Variants in PTPRD observed in about 807,000 individuals in gnomAD.
PTPRD encodes protein tyrosine phosphatase receptor type D.
PTPRD carries 34 observed loss-of-function variants against 214.5 expected under a neutral mutation model. The observed-to-expected ratio is 0.16, with a 90% confidence interval of 0.12 to 0.21. The LOEUF is 0.21. Ranked by LOEUF, PTPRD falls within the 10% of genes least tolerant of loss-of-function variation. The probability of loss-of-function intolerance (pLI) is 1.00; values close to 1 mark genes in which losing one functional copy is unlikely to be tolerated. For synonymous variants in PTPRD, 1,128 were observed against 845.7 expected (o/e 1.33, Z -5.79); for missense variants, 2,545 against 2,398.7 (o/e 1.06, Z -1.27).
intron 9 of PTPRD, among the ~76,000 whole-genome samples, chr9:9,255,756 C>T (rs566349748): frequency 6.6e-6 from 1 of 152,068 alleles, no homozygotes; most frequent in East Asian, 1.9e-4. Flanking sequence ...TCCAATTGTC[C>T]ACTATTGGCA....
intron 7 of PTPRD, among the ~76,000 whole-genome samples, chr9:9,608,732 C>T (rs57908216): frequency 0.03 from 4,540 of 152,290 alleles, 209 homozygotes; most frequent in African/African-American, 0.1. Context: ...CTGTGGCACA[C>T]AAGCTAAAGG....
At chr9:10,558,196 T>A (rs1419664153) in intron 2 of PTPRD, among the ~76,000 whole-genome samples, 4 of 152,156 alleles carry the variant, frequency 2.6e-5, no homozygotes, top group Non-Finnish European at 5.9e-5. Flanking sequence ...AAGTAGTCAC[T>A]GACATTCTAA....
chr9:10,231,045 C>A (rs577369852), intron 3 of PTPRD, among the ~76,000 whole-genome samples: 9 of 152,008 alleles, frequency 5.9e-5, no homozygotes, highest in African/African-American at 1.9e-4. Context: ...ACCTCCTGGA[C>A]TGGTCAAAAG....
chr9:9,822,341 G>A (rs1473901190), intron 5 of PTPRD, among the ~76,000 whole-genome samples: 2 of 151,160 alleles, frequency 1.3e-5, no homozygotes, highest in African/African-American at 4.9e-5. Context: ...AACCTGGGAG[G>A]CGTAAGTTGC....
intron 11 of PTPRD, among the ~76,000 whole-genome samples, chr9:8,804,047 G>C (rs992397127): frequency 6.6e-6 from 1 of 151,960 alleles, no homozygotes; most frequent in African/African-American, 2.4e-5. Context: ...CTGCCCCCTG[G>C]GTTCAAGCAA....
chr9:10,210,644 T>C (rs1452659738), intron 3 of PTPRD, among the ~76,000 whole-genome samples: 2 of 150,326 alleles, frequency 1.3e-5, no homozygotes, highest in Non-Finnish European at 3.0e-5. Context: ...TATATATACA[T>C]ATATATACAC....
chr9:10,532,985 GATC>G (rs2056815342), intron 2 of PTPRD, among the ~76,000 whole-genome samples: 3 of 152,048 alleles, frequency 2.0e-5, no homozygotes. Context: ...AAGGCATTTG[GATC>G]ATAAGAGTAG....
At chr9:8,591,417 G>C (rs1299151119) in intron 14 of PTPRD, among the ~76,000 whole-genome samples, 1 of 152,166 alleles carries the variant, frequency 6.6e-6, no homozygotes, top group Admixed American at 6.5e-5. Context: ...TCTGTTGGGA[G>C]AGTTTATTCA....
chr9:10,232,928 C>A (rs1315339557), intron 3 of PTPRD, among the ~76,000 whole-genome samples: 3 of 151,870 alleles, frequency 2.0e-5, no homozygotes, highest in African/African-American at 4.8e-5. Flanking sequence ...TTAAACATTC[C>A]ATTCTTCCTC....
intron 3 of PTPRD, among the ~76,000 whole-genome samples, chr9:10,265,113 C>A (rs1471543384): frequency 2.0e-5 from 3 of 152,094 alleles, no homozygotes; most frequent in African/African-American, 7.2e-5. Context: ...TCTTTGTCAG[C>A]AGCACGAAAA....
intron 3 of PTPRD, among the ~76,000 whole-genome samples, chr9:10,216,097 T>C (rs2099539828): frequency 6.6e-6 from 1 of 152,054 alleles, no homozygotes. Context: ...TTTTTCCTTT[T>C]ACTAACACTG....
intron 9 of PTPRD, among the ~76,000 whole-genome samples, chr9:9,260,497 G>A (rs1286787271): frequency 6.6e-6 from 1 of 151,760 alleles, no homozygotes; most frequent in African/African-American, 2.4e-5. Flanking sequence ...TCATTTTAAC[G>A]CTGCTTTTTC....
intron 14 of PTPRD, among the ~76,000 whole-genome samples, chr9:8,554,828 C>A (rs1176468829): frequency 2.0e-5 from 3 of 152,088 alleles, no homozygotes; most frequent in Non-Finnish European, 4.4e-5. Flanking sequence ...AAAACACTAA[C>A]ATATTTGTGT....
chr9:10,567,449 G>C (rs1020962986), intron 2 of PTPRD, among the ~76,000 whole-genome samples: 3 of 151,924 alleles, frequency 2.0e-5, no homozygotes, highest in Non-Finnish European at 2.9e-5. Flanking sequence ...TAATTTTATA[G>C]TATATTATCT....
intron 9 of PTPRD, among the ~76,000 whole-genome samples, chr9:9,236,524 T>C (rs2099966838): frequency 6.6e-6 from 1 of 151,758 alleles, no homozygotes; most frequent in South Asian, 2.1e-4. Context: ...TCCAGATCTT[T>C]TGCATTTCTG....
chr9:8,455,279 C>T (rs1175737962), intron 33 of PTPRD, among the ~76,000 whole-genome samples: 1 of 152,108 alleles, frequency 6.6e-6, no homozygotes, highest in Non-Finnish European at 1.5e-5. Flanking sequence ...TTGGGCTAAT[C>T]CAGAAAAACA....
intron 8 of PTPRD, among the ~76,000 whole-genome samples, chr9:9,437,936 G>A (rs1267382261): frequency 6.6e-6 from 1 of 152,180 alleles, no homozygotes; most frequent in Non-Finnish European, 1.5e-5. Context: ...TCACAGTTCT[G>A]GAGGCTACAA....
At chr9:9,631,625 C>T (rs569904973) in intron 7 of PTPRD, among the ~76,000 whole-genome samples, 16 of 152,232 alleles carry the variant, frequency 1.1e-4, no homozygotes, top group South Asian at 8.3e-4. Flanking sequence ...CCTCACCCAG[C>T]GCAGACACAA....
At chr9:10,509,481 C>G (rs985032132) in intron 2 of PTPRD, among the ~76,000 whole-genome samples, 4 of 137,788 alleles carry the variant, frequency 2.9e-5, no homozygotes, top group Non-Finnish European at 6.0e-5. Context: ...ATCTATCTAT[C>G]TATCTATCTA....
Sources: gnomAD v4.1 joint callset for allele counts (sites outside exome capture counted in the v4.1 genomes callset) on GRCh38, gnomAD v4.1.1 for gene constraint, MANE v1.5 for transcripts, NCBI Gene and HGNC (gene_info 2026-07-23, HGNC 2026-07-21) for gene names.